Variants in OXCT1 observed in about 807,000 individuals in gnomAD.
The protein encoded by OXCT1 is 3-oxoacid CoA-transferase 1.
Under a neutral mutation model 69.6 loss-of-function variants are expected in OXCT1, and 27 were observed. The observed-to-expected ratio is 0.39, with a 90% confidence interval of 0.29 to 0.54. OXCT1 has a LOEUF of 0.54. Among genes scored for constraint, OXCT1 ranks in the 20% least tolerant of loss-of-function variants. The probability of loss-of-function intolerance (pLI) is 0.72; values close to 1 mark genes in which losing one functional copy is unlikely to be tolerated. For synonymous variants in OXCT1, 202 were observed against 217.8 expected (o/e 0.93, Z 0.64); for missense variants, 437 against 650.2 (o/e 0.67, Z 3.57).
chr5:41,788,134 A>G (rs1399654526), intron 13 of OXCT1, among the ~76,000 whole-genome samples: 2 of 152,202 alleles, frequency 1.3e-5, no homozygotes, highest in Admixed American at 1.3e-4. Flanking sequence ...AGAAAACAGA[A>G]GTTTACTATT....
chr5:41,837,130 G>C (rs1748404754), intron 7 of OXCT1, among the ~76,000 whole-genome samples: 1 of 152,034 alleles, frequency 6.6e-6, no homozygotes. Context: ...AATATTTATA[G>C]TTCTATCCTC....
At chr5:41,805,729 T>C in intron 8 of OXCT1, 48 bp from the exon 9 acceptor site, 1 of 1,233,196 alleles carries the variant, frequency 8.1e-7, no homozygotes, top group Non-Finnish European at 1.2e-6. Context: ...GTATGCTTTG[T>C]ATTTTATCAC....
At chr5:41,820,884 G>A (rs1229445963) in intron 7 of OXCT1, among the ~76,000 whole-genome samples, 1 of 151,958 alleles carries the variant, frequency 6.6e-6, no homozygotes, top group African/African-American at 2.4e-5. Flanking sequence ...GATTGGGTGG[G>A]GTTAGTGCCA....
At chr5:41,777,778 T>A (rs889839134) in intron 13 of OXCT1, among the ~76,000 whole-genome samples, 52 of 152,186 alleles carry the variant, frequency 3.4e-4, no homozygotes, top group Admixed American at 1.0e-3. Flanking sequence ...AAAGCCATGA[T>A]TTATAAAAAT....
At chr5:41,752,243 C>T (rs1743821180) in intron 14 of OXCT1, among the ~76,000 whole-genome samples, 1 of 152,052 alleles carries the variant, frequency 6.6e-6, no homozygotes, top group Non-Finnish European at 1.5e-5. Flanking sequence ...TTCTTTGTGC[C>T]ATAGTTCTCT....
intron 14 of OXCT1, among the ~76,000 whole-genome samples, chr5:41,751,550 G>A (rs1743787876): frequency 1.3e-5 from 2 of 152,096 alleles, no homozygotes; most frequent in Admixed American, 1.3e-4. Context: ...AGAGCCACAT[G>A]CCCATGCTTC....
In OXCT1 at chr5:41,823,811, T is replaced by C. The variant is rs151333869; in HGVS notation, c.733-16373A>G. Among the ~76,000 whole-genome samples the C allele has an allele frequency of 6.9e-3, 1,049 of 152,284 alleles. 7 individuals are homozygous for C. Among genetic ancestry groups the C allele is most frequent in the Middle Eastern group, 0.014 (4 of 294 alleles). On this transcript the variant is annotated intron_variant, in intron 7 of 16. Transcript: ENST00000196371. ...ATAATACTATCTACCTCATTTTCAA[T>C]TGGGGGGAAAAAAACATTCTGTCTT...
intron 14 of OXCT1, among the ~76,000 whole-genome samples, chr5:41,754,289 C>A (rs992867927): frequency 7.2e-5 from 11 of 152,106 alleles, no homozygotes; most frequent in Non-Finnish European, 1.3e-4. Flanking sequence ...AACACCCTTG[C>A]TCTTTCCTTC....
At chr5:41,743,085 G>C (rs765228415) in intron 15 of OXCT1, among the ~76,000 whole-genome samples, 1 of 152,018 alleles carries the variant, frequency 6.6e-6, no homozygotes, top group Admixed American at 6.6e-5. Flanking sequence ...ACTAGTTTAC[G>C]GTCCCACCAA....
At chr5:41,743,455 T>G (rs1202786513) in intron 15 of OXCT1, among the ~76,000 whole-genome samples, 1 of 152,234 alleles carries the variant, frequency 6.6e-6, no homozygotes, top group Non-Finnish European at 1.5e-5. Flanking sequence ...TGGTAGTTTC[T>G]TTTGCTGTGC....
chr5:41,802,071 C>T (rs1292628259), intron 10 of OXCT1, among the ~76,000 whole-genome samples: 2 of 151,976 alleles, frequency 1.3e-5, no homozygotes, highest in Non-Finnish European at 2.9e-5. Context: ...ATTTATTTCC[C>T]TTTTCTTCAA....
At chr5:41,779,889 G>T (rs1298883164) in intron 13 of OXCT1, among the ~76,000 whole-genome samples, 1 of 152,002 alleles carries the variant, frequency 6.6e-6, no homozygotes, top group Non-Finnish European at 1.5e-5. Context: ...ATGAAAATAA[G>T]AACTTTCTCA....
intron 16 of OXCT1, 81 bp from the exon 17 acceptor site, chr5:41,731,851 T>A: frequency 6.6e-7 from 1 of 1,504,824 alleles, no homozygotes; most frequent in Non-Finnish European, 9.1e-7. Context: ...CAAATTTCAA[T>A]CATGTAGGCA....
chr5:41,772,456 A>G (rs1435711250), intron 13 of OXCT1, among the ~76,000 whole-genome samples: 2 of 152,236 alleles, frequency 1.3e-5, no homozygotes, highest in African/African-American at 4.8e-5. Flanking sequence ...ATCAGAAAGT[A>G]ACACAGAAGA....
chr5:41,744,414 G>A (rs1298450897), intron 15 of OXCT1, among the ~76,000 whole-genome samples: 5 of 152,050 alleles, frequency 3.3e-5, no homozygotes, highest in Admixed American at 6.5e-5. Flanking sequence ...CTGCAAACAG[G>A]GACAATTTGA....
chr5:41,763,670 TCA>T (rs919470091), intron 13 of OXCT1, among the ~76,000 whole-genome samples: 11 of 152,058 alleles, frequency 7.2e-5, no homozygotes, highest in Admixed American at 7.2e-4. Context: ...CCAGGCAGTC[TCA>T]GTTTCTATAC....
At chr5:41,865,360 T>G (rs1237172850) in intron 1 of OXCT1, among the ~76,000 whole-genome samples, 1 of 152,210 alleles carries the variant, frequency 6.6e-6, no homozygotes, top group Non-Finnish European at 1.5e-5. Flanking sequence ...CAAAAAAATA[T>G]ACTTCAAAAG....
chr5:41,773,002 G>A (rs1744949134), intron 13 of OXCT1, among the ~76,000 whole-genome samples: 1 of 152,138 alleles, frequency 6.6e-6, no homozygotes, highest in South Asian at 2.1e-4. Flanking sequence ...GAAGCACAAT[G>A]TCACTCTGGG....
chr5:41,815,752 G>A (rs1056066113), intron 7 of OXCT1, among the ~76,000 whole-genome samples: 1 of 152,058 alleles, frequency 6.6e-6, no homozygotes. Context: ...AAGGAAAACA[G>A]GGAGACATAA....
Sources: allele counts gnomAD v4.1 joint callset (sites outside exome capture counted in the v4.1 genomes callset), GRCh38; gene constraint gnomAD v4.1.1; transcripts MANE v1.5; gene names NCBI Gene and HGNC (gene_info 2026-07-23, HGNC 2026-07-21).